TMPRSS9: variants seen among roughly 807,000 people sequenced by gnomAD.
TMPRSS9 encodes the protein transmembrane protease serine 9.
A neutral mutation model predicts 111.4 loss-of-function variants in TMPRSS9; 113 were observed. That is an observed-to-expected ratio of 1.01 (90% CI 0.87 to 1.19). TMPRSS9 has a LOEUF of 1.19. Ranked by LOEUF, TMPRSS9 falls within the 50% of genes most tolerant of loss-of-function variation. The pLI is 0.00. For missense variants in TMPRSS9, 1,803 were observed against 1,513.1 expected (o/e 1.19, Z -3.18); for synonymous variants, 805 against 659.1 (o/e 1.22, Z -3.39).
At position 2,360,378 on chromosome 19, in the gene TMPRSS9, G is replaced by A. The variant is rs1228877458; in HGVS notation, c.-26+18G>A. 2.0e-5 allele frequency among the ~76,000 whole-genome samples: 3 copies of A among 151,314 alleles called. No homozygotes were observed. Among genetic ancestry groups the A allele is most frequent in the African/African-American group, 7.4e-5 (3 of 40,792 alleles). On this transcript the variant is annotated intron_variant, in intron 1 of 17. Transcript: ENST00000649857. Reference sequence around the variant, plus strand: ...CAACCCCGGTGAGTCGGGGTCTCCTGCGGGCTCAGCCTCCCCTCGGAACAG... The same window carrying A: ...CAACCCCGGTGAGTCGGGGTCTCCTACGGGCTCAGCCTCCCCTCGGAACAG...
At chr19:2,370,912 A>C (rs1970284689) in intron 1 of TMPRSS9, among the ~76,000 whole-genome samples, 1 of 152,076 alleles carries the variant, frequency 6.6e-6, no homozygotes, top group South Asian at 2.1e-4. Flanking sequence ...CAGTGAGCCG[A>C]GATCATAACA....
chr19:2,425,393 G>A (rs1387173023), exon 17 of TMPRSS9: 5 of 1,557,068 alleles, frequency 3.2e-6, no homozygotes, highest in East Asian at 2.4e-5. Context: ...GCGGCCGTGC[G>A]CCTCCTCAGC....
chr19:2,370,620 C>A (rs1011328720), intron 1 of TMPRSS9, among the ~76,000 whole-genome samples: 2 of 152,094 alleles, frequency 1.3e-5, no homozygotes, highest in Admixed American at 1.3e-4. Flanking sequence ...TGAGCCACCA[C>A]GCCCAGCCAG....
chr19:2,392,586 G>T (rs939647764), intron 1 of TMPRSS9, among the ~76,000 whole-genome samples: 4 of 152,148 alleles, frequency 2.6e-5, no homozygotes, highest in African/African-American at 9.7e-5. Flanking sequence ...AGCCAGCTGG[G>T]CTCCTGAGTC....
intron 10 of TMPRSS9, among the ~76,000 whole-genome samples, chr19:2,414,940 T>A (rs1325636304): frequency 1.5e-5 from 2 of 131,286 alleles, no homozygotes; most frequent in Admixed American, 1.4e-4. Context: ...GTTGCATTCC[T>A]ATTTTTTTTT....
chr19:2,401,894 C>T, intron 4 of TMPRSS9, 81 bp from the exon 6 acceptor site: 1 of 1,296,406 alleles, frequency 7.7e-7, no homozygotes, highest in Non-Finnish European at 1.1e-6. Context: ...AGGTGTGAGC[C>T]ACCGCGCCCG....
chr19:2,413,802 G>A, exon 10 of TMPRSS9: 1 of 1,613,842 alleles, frequency 6.2e-7, no homozygotes, highest in Non-Finnish European at 8.5e-7. Context: ...CCGGCGTCCA[G>A]GGGTCTATGC....
At chr19:2,389,110 T>A (rs2038669495), upstream of TMPRSS9, among the ~76,000 whole-genome samples, 3 of 149,786 alleles carry the variant, frequency 2.0e-5, no homozygotes, top group Non-Finnish European at 4.4e-5. Flanking sequence ...CGTCTTGCTC[T>A]GTCGCCAGGC....
intron 10 of TMPRSS9, 142 bp downstream of exon 11, chr19:2,414,160 AC>A: frequency 1.2e-6 from 1 of 843,590 alleles, no homozygotes; most frequent in Non-Finnish European, 1.8e-6. Flanking sequence ...TTCCCATCTT[AC>A]GTTGCGTGTA....
chr19:2,394,676 G>T (rs1005636669), intron 1 of TMPRSS9, among the ~76,000 whole-genome samples: 22 of 152,150 alleles, frequency 1.4e-4, no homozygotes, highest in African/African-American at 5.1e-4. Flanking sequence ...ATATGGCTAC[G>T]TAAATACCCA....
At chr19:2,410,959 C>T (rs954918882) in intron 9 of TMPRSS9, among the ~76,000 whole-genome samples, 7 of 152,056 alleles carry the variant, frequency 4.6e-5, no homozygotes, top group African/African-American at 1.7e-4. Context: ...TGGACTTTTG[C>T]CCCTGGGTGG....
chr19:2,425,902 A>AC, intron 17 of TMPRSS9, 25 bp from the exon 19 acceptor site: 3 of 1,564,782 alleles, frequency 1.9e-6, no homozygotes, highest in Non-Finnish European at 2.6e-6. Flanking sequence ...CGGCCTCTGA[A>AC]CCCCCTTTCT....
chr19:2,413,175 A>G (rs1047258867), intron 9 of TMPRSS9, among the ~76,000 whole-genome samples: 1 of 152,148 alleles, frequency 6.6e-6, no homozygotes, highest in East Asian at 1.9e-4. Flanking sequence ...AGCCTGGGCA[A>G]CAGAGCAAAA....
At chr19:2,418,381 C>T (rs1971331030) in intron 13 of TMPRSS9, among the ~76,000 whole-genome samples, 2 of 49,976 alleles carry the variant, frequency 4.0e-5, no homozygotes, top group African/African-American at 9.8e-5. Context: ...CCCTCCCTCC[C>T]TTTCCTTCCC....
At chr19:2,384,172 T>C (rs1471276079) in intron 1 of TMPRSS9, among the ~76,000 whole-genome samples, 1 of 152,076 alleles carries the variant, frequency 6.6e-6, no homozygotes, top group Admixed American at 6.6e-5. Flanking sequence ...TGGGGAAAAG[T>C]GTGTTGGAGG....
chr19:2,425,203 C>T (rs1486644858), exon 16 of TMPRSS9: 5 of 1,511,638 alleles, frequency 3.3e-6, no homozygotes, highest in Non-Finnish European at 4.4e-6. Context: ...TGCCCGAGCC[C>T]GCGCCGCGAC....
intron 1 of TMPRSS9, among the ~76,000 whole-genome samples, chr19:2,376,096 G>A (rs560438811): frequency 2.6e-5 from 4 of 152,154 alleles, no homozygotes; most frequent in Non-Finnish European, 4.4e-5. Flanking sequence ...CCAAAGTCAA[G>A]GTGTGGGCAG....
chr19:2,399,209 A>C lies in TMPRSS9; in HGVS notation c.514+16A>C. On this transcript the variant is annotated intron_variant, in intron 4 of 17. Transcript: ENST00000648592. ...GAGCTCACAGGTGAGTGGGCAGCCG[A>C]GACCGAAACCCCATCACGAGGAGGC... The C allele has an allele frequency of 6.4e-7, 1 of 1,569,662 alleles. No homozygotes were observed. The highest frequency in any genetic ancestry group is 8.6e-7 in the Non-Finnish European group (1 of 1,157,100).
chr19:2,408,143 T>A (rs1449129835), intron 7 of TMPRSS9, among the ~76,000 whole-genome samples: 6 of 151,946 alleles, frequency 3.9e-5, no homozygotes, highest in Non-Finnish European at 8.8e-5. Context: ...CGTCTTGAAC[T>A]CCTGGGCTCA....
Sources: gnomAD v4.1 joint callset for allele counts (sites outside exome capture counted in the v4.1 genomes callset) on GRCh38, gnomAD v4.1.1 for gene constraint, MANE v1.5 for transcripts, NCBI Gene and HGNC (gene_info 2026-07-23, HGNC 2026-07-21) for gene names.